Variants in CRK observed in about 807,000 individuals in gnomAD.
The protein encoded by CRK is adapter molecule crk.
A neutral mutation model predicts 29.8 loss-of-function variants in CRK; 4 were observed. The ratio of observed to expected loss-of-function variants is 0.13; its 90% CI spans 0.07 to 0.31. The LOEUF (loss-of-function observed/expected upper bound fraction) is 0.31, where lower values mean the gene tolerates loss of function less well. Among genes scored for constraint, CRK ranks in the 10% least tolerant of loss-of-function variants. The pLI, the probability that CRK is intolerant of heterozygous loss-of-function variation, is 1.00. For synonymous variants in CRK, 153 were observed against 164.9 expected (o/e 0.93, Z 0.55); for missense variants, 274 against 396.5 (o/e 0.69, Z 2.62).
rs562515421 is a variant in CRK at position 1,427,030 on chromosome 17, C to CAAAAAAAAAAAA, written c.778-3392_778-3381dup. On this transcript the variant is annotated intron_variant, in intron 2 of 2. Transcript: ENST00000300574. ...CTGGGCGACAGAGCAAAACTGTCTC[C>CAAAAAAAAAAAA]AAAAAAAAAAAAAAAAAAAAAAAAA... 4.5e-4 allele frequency among the ~76,000 whole-genome samples: 16 copies of CAAAAAAAAAAAA among 35,306 alleles called. 1 individual carries two copies. The highest frequency in any genetic ancestry group is 3.4e-3 in the Admixed American group (6 of 1,746). 23.2% of individuals were successfully genotyped at this position (35,306 alleles called of 152,430 possible). A position where few individuals can be genotyped will look rare whatever the true frequency, so the allele number is the denominator to read the frequency against.
intron 1 of CRK, among the ~76,000 whole-genome samples, chr17:1,443,601 A>G (rs1315632514): frequency 2.0e-5 from 3 of 147,910 alleles, no homozygotes. Flanking sequence ...GGGTTTCACC[A>G]TGTTAGCCAG....
At chr17:1,423,959 A>G (rs2073751803) in intron 2 of CRK, among the ~76,000 whole-genome samples, 1 of 152,116 alleles carries the variant, frequency 6.6e-6, no homozygotes, top group African/African-American at 2.4e-5. Flanking sequence ...TCTCTGCATG[A>G]GCAATCCCAA....
At chr17:1,436,440 T>C (rs1007073545) in intron 2 of CRK, among the ~76,000 whole-genome samples, 180 bp downstream of exon 2, 1 of 152,156 alleles carries the variant, frequency 6.6e-6, no homozygotes, top group African/African-American at 2.4e-5. Context: ...AGCTTACTCA[T>C]TCCCAAACAG....
intron 1 of CRK, among the ~76,000 whole-genome samples, chr17:1,438,367 C>A (rs778152349): frequency 2.6e-5 from 4 of 152,034 alleles, no homozygotes; most frequent in East Asian, 3.9e-4. Flanking sequence ...TGGGCTCAAG[C>A]AATCCTTCGG....
chr17:1,430,715 C>A (rs2150902452), intron 2 of CRK, among the ~76,000 whole-genome samples: 1 of 151,578 alleles, frequency 6.6e-6, no homozygotes, highest in Non-Finnish European at 1.5e-5. Context: ...ATCAATTGGG[C>A]TAATTAACCT....
intron 2 of CRK, among the ~76,000 whole-genome samples, chr17:1,427,767 C>T (rs1056264809): frequency 1.4e-4 from 21 of 151,686 alleles, no homozygotes; most frequent in African/African-American, 4.6e-4. Context: ...GTAGCTGGGA[C>T]GACAAGCACA....
intron 1 of CRK, among the ~76,000 whole-genome samples, chr17:1,448,874 T>C (rs182810619): frequency 3.9e-5 from 6 of 151,950 alleles, no homozygotes; most frequent in Admixed American, 2.6e-4. Flanking sequence ...CTCTTTATTT[T>C]TTTCTCTATT....
chr17:1,433,960 A>G (rs1356930761), intron 2 of CRK, among the ~76,000 whole-genome samples: 1 of 151,894 alleles, frequency 6.6e-6, no homozygotes, highest in Non-Finnish European at 1.5e-5. Context: ...TCAGCCTCCG[A>G]AAGTGCTGGG....
intron 1 of CRK, among the ~76,000 whole-genome samples, chr17:1,446,214 G>A (rs548875088): frequency 2.6e-5 from 4 of 152,250 alleles, no homozygotes; most frequent in East Asian, 1.9e-4. Flanking sequence ...AAAGCGGCAC[G>A]TCTTAGGAAG....
chr17:1,456,218 A>T lies in CRK; in HGVS notation c.-101T>A. On this transcript the variant is annotated 5_prime_UTR_variant, in exon 1 of 3. Transcript: ENST00000300574. ...GGACCGGCTCCGGTTTCAGCTTCAC[A>T]GCAGCGCCCGAAATGGCGGCGGCAG... 1 of 1,300,478 alleles carries T rather than the reference A, an allele frequency of 7.7e-7. No homozygotes were observed. Among genetic ancestry groups the T allele is most frequent in the Non-Finnish European group, 9.8e-7 (1 of 1,024,688 alleles). The allele number at this position is 1,300,478 out of a possible 1,614,324, so 80.6% of individuals were successfully genotyped here. A position where few individuals can be genotyped will look rare whatever the true frequency, so the allele number is the denominator to read the frequency against.
chr17:1,453,830 C>A (rs1235467724), intron 1 of CRK, among the ~76,000 whole-genome samples: 1 of 151,970 alleles, frequency 6.6e-6, no homozygotes, highest in Non-Finnish European at 1.5e-5. Flanking sequence ...TCCTTTGAAC[C>A]CGGGGAGGTA....
Position 1,455,912 on chromosome 17 carries a change from G to T in CRK, c.206C>A (p.Pro69Gln). 1 of 1,581,206 alleles carries T rather than the reference G, an allele frequency of 6.3e-7. No individual in the cohort carries two copies. Among genetic ancestry groups the T allele is most frequent in the South Asian group, 1.1e-5 (1 of 88,280 alleles). Residue 69 changes from proline to glutamine, a missense_variant, in exon 1 of 3, where the codon CCG (proline) becomes CAG (glutamine). By Grantham distance (76) the Pro-to-Gln change is moderately conservative (BLOSUM62 -1). Around this residue, in one of 3 missense-constraint regions of CRK, gnomAD observed 135 missense variants for 180.9 expected, o/e 0.75. Coordinates refer to ENST00000300574, the MANE Select transcript of CRK (RefSeq NM_016823.4). ...HYIINSSGPR[P>Q]PVPPSPAQPP... The stretch of plus-strand genomic sequence containing the variant: ...CTGGGCGGGCGACGGTGGCACCGGC[G>T]GGCGCGGGCCGCTGCTGTTGATGAT...
chr17:1,445,378 G>C (rs1598303114), intron 1 of CRK, among the ~76,000 whole-genome samples: 1 of 152,138 alleles, frequency 6.6e-6, no homozygotes, highest in Non-Finnish European at 1.5e-5. Context: ...CCCAGACTCA[G>C]GAATACTGGC....
In CRK at chr17:1,427,249, C is replaced by A. The variant is rs115439733; in HGVS notation, c.778-3599G>T. Among the ~76,000 whole-genome samples the A allele has an allele frequency of 6.8e-3, 1,014 of 149,094 alleles. 16 individuals carry two copies. The highest frequency in any genetic ancestry group is 0.024 in the African/African-American group (973 of 40,416). ...GAGCTGTAGCAAGCCAAGTGCACCACTGCACCCCACCCTGGTGGAGAGACC... is the reference window on the plus strand; with the variant it reads ...GAGCTGTAGCAAGCCAAGTGCACCAATGCACCCCACCCTGGTGGAGAGACC... On this transcript the variant is annotated intron_variant, in intron 2 of 2. Transcript: ENST00000300574.
intron 2 of CRK, among the ~76,000 whole-genome samples, chr17:1,433,508 G>GATTTTTTTTTTTTTTTTTTT (rs1568012299): frequency 8.7e-6 from 1 of 114,368 alleles, no homozygotes; most frequent in African/African-American, 3.6e-5. Context: ...ACCACGCCTG[G>GATTTTTTTTTTTTTTTTTTT]CTTTTTTTTT....
At chr17:1,445,925 T>C (rs1478230520) in intron 1 of CRK, among the ~76,000 whole-genome samples, 2 of 152,148 alleles carry the variant, frequency 1.3e-5, no homozygotes, top group Admixed American at 6.6e-5. Flanking sequence ...CAGTTAAGTG[T>C]TGCTAATTTT....
rs909737160 is a variant in CRK at position 1,445,112 on chromosome 17, T to C, written c.242-7957A>G. ...GCAGTGAGCCAAGATCGCGCCACTGTACTCCAGCCTGGGCGACAGAGCGAG... is the reference window on the plus strand; with the variant it reads ...GCAGTGAGCCAAGATCGCGCCACTGCACTCCAGCCTGGGCGACAGAGCGAG... On this transcript the variant is annotated intron_variant, in intron 1 of 2. Transcript: ENST00000300574. 1.5e-3 allele frequency among the ~76,000 whole-genome samples: 224 copies of C among 150,118 alleles called. 1 individual carries two copies. Among genetic ancestry groups the C allele is most frequent in the African/African-American group, 5.1e-3 (206 of 40,702 alleles).
At chr17:1,443,658 T>C (rs1429296231) in intron 1 of CRK, among the ~76,000 whole-genome samples, 3 of 150,222 alleles carry the variant, frequency 2.0e-5, no homozygotes, top group East Asian at 4.0e-4. Context: ...CTCGGCCTCC[T>C]AAAGTGCTGG....
intron 2 of CRK, among the ~76,000 whole-genome samples, chr17:1,429,600 A>T (rs1178627352): frequency 6.7e-6 from 1 of 149,394 alleles, no homozygotes; most frequent in African/African-American, 2.5e-5. Flanking sequence ...GGCCTTCCTC[A>T]GCAGCACAGT....
Sources: allele counts gnomAD v4.1 joint callset (sites outside exome capture counted in the v4.1 genomes callset), GRCh38; gene constraint gnomAD v4.1.1; regional missense constraint gnomAD v4.1.1; transcripts MANE v1.5; gene names NCBI Gene and HGNC (gene_info 2026-07-23, HGNC 2026-07-21).